The following RBFOX1 variants were observed in gnomAD, a reference collection of about 807,000 sequenced individuals.
RBFOX1 encodes RNA binding protein fox-1 homolog 1.
A neutral mutation model predicts 57.7 loss-of-function variants in RBFOX1; 8 were observed. The ratio of observed to expected loss-of-function variants is 0.14; its 90% confidence interval spans 0.08 to 0.25. The LOEUF is 0.25. RBFOX1 is among the 10% of genes least tolerant of loss of function. The pLI is 1.00. For missense variants in RBFOX1, 611 were observed against 548.5 expected (o/e 1.11, Z -1.14); for synonymous variants, 326 against 222.4 (o/e 1.47, Z -4.15).
chr16:6,040,286 A>G (rs1354692129), intron 1 of RBFOX1, among the ~76,000 whole-genome samples: 1 of 152,200 alleles, frequency 6.6e-6, no homozygotes, highest in African/African-American at 2.4e-5. Context: ...TGCGCAAGCA[A>G]CACTATCACC....
At chr16:7,673,570 T>C (rs917544) in intron 13 of RBFOX1, among the ~76,000 whole-genome samples, 97,732 of 151,852 alleles carry the variant, frequency 0.64, 31,847 homozygotes, top group Non-Finnish European at 0.68. Context: ...AAATGCTTTA[T>C]TGGAGCATCA....
intron 3 of RBFOX1, among the ~76,000 whole-genome samples, chr16:7,001,537 A>G (rs1296584550): frequency 6.7e-6 from 1 of 150,230 alleles, no homozygotes; most frequent in African/African-American, 2.5e-5. Context: ...ACTCGTTGCA[A>G]CCTCCGCCTC....
chr16:7,176,135 C>A (rs8062020), intron 4 of RBFOX1, among the ~76,000 whole-genome samples: 4 of 150,196 alleles, frequency 2.7e-5, no homozygotes, highest in Non-Finnish European at 4.4e-5. Flanking sequence ...ATTGGAATCC[C>A]GGTGCTACAT....
chr16:5,705,496 C>G (rs1370518195), intron 3 of RBFOX1, among the ~76,000 whole-genome samples: 3 of 152,142 alleles, frequency 2.0e-5, no homozygotes, highest in Non-Finnish European at 2.9e-5. Context: ...CTCATGGGCT[C>G]AAGCAAGGAT....
At chr16:7,126,526 T>C (rs1855914325) in intron 4 of RBFOX1, 3 of 219,558 alleles carry the variant, frequency 1.4e-5, no homozygotes, top group Non-Finnish European at 9.6e-6. Context: ...TGAATACAAA[T>C]TTCTTAATGG....
At chr16:7,201,722 C>A (rs540190319) in intron 4 of RBFOX1, among the ~76,000 whole-genome samples, 2 of 152,212 alleles carry the variant, frequency 1.3e-5, no homozygotes, top group African/African-American at 4.8e-5. Context: ...CTCAGCCTCC[C>A]AAAGTACTGG....
intron 2 of RBFOX1, among the ~76,000 whole-genome samples, chr16:5,540,619 C>G (rs1048048682): frequency 6.6e-6 from 1 of 152,118 alleles, no homozygotes; most frequent in Non-Finnish European, 1.5e-5. Context: ...GTCAGAATCA[C>G]CTGACGCGTT....
intron 1 of RBFOX1, among the ~76,000 whole-genome samples, chr16:6,178,450 T>C (rs1020924724): frequency 1.3e-4 from 20 of 152,108 alleles, no homozygotes; most frequent in Admixed American, 1.3e-4. Context: ...CCCAAAGTGC[T>C]GGGATAAGGT....
chr16:6,775,641 T>A (rs1489200170), intron 3 of RBFOX1: 1 of 152,162 alleles, frequency 6.6e-6, no homozygotes, highest in Admixed American at 6.6e-5. Flanking sequence ...TCTGTCCCCT[T>A]ACAGAGAAAG....
At chr16:5,496,018 C>G (rs982608446) in intron 2 of RBFOX1, among the ~76,000 whole-genome samples, 6 of 152,050 alleles carry the variant, frequency 3.9e-5, no homozygotes, top group African/African-American at 9.7e-5. Context: ...CCCAGCTACT[C>G]GGGAGGCTGA....
intron 3 of RBFOX1, among the ~76,000 whole-genome samples, chr16:6,735,915 T>G (rs1372365492): frequency 8.3e-6 from 1 of 121,068 alleles, no homozygotes. Context: ...GAGGGAGTTT[T>G]TGTCGCCATT....
intron 4 of RBFOX1, among the ~76,000 whole-genome samples, chr16:7,479,571 G>T (rs770859790): frequency 2.2e-4 from 33 of 152,152 alleles, no homozygotes; most frequent in Non-Finnish European, 3.8e-4. Flanking sequence ...AGCTGGTTGG[G>T]CCTGGGGTGT....
intron 5 of RBFOX1, among the ~76,000 whole-genome samples, chr16:7,567,279 C>CCCTATATATATT (rs2091994960): frequency 7.4e-6 from 1 of 135,884 alleles, no homozygotes; most frequent in South Asian, 2.3e-4. Flanking sequence ...ATATATATAT[C>CCCTATATATATT]CCTATATATC....
rs138740285 is a variant in RBFOX1 at position 6,576,939 on chromosome 16, C to A, written c.-63-77664C>A. Reference sequence around the variant, plus strand: ...AAGATAAAGAACCTGTAAAGAACCACCCATCTAGGGATACATTTCCAGCCC... The same window carrying A: ...AAGATAAAGAACCTGTAAAGAACCAACCATCTAGGGATACATTTCCAGCCC... On this transcript the variant is annotated intron_variant, in intron 2 of 15. Coordinates refer to ENST00000550418, the MANE Select transcript of RBFOX1 (RefSeq NM_018723.4). 1.7e-3 allele frequency: 256 copies of A among 152,324 alleles called. 1 individual carries two copies. The highest frequency in any genetic ancestry group is 5.9e-3 in the African/African-American group (246 of 41,578). 9.4% of individuals were successfully genotyped at this position (152,324 alleles called of 1,614,324 possible). A position where few individuals can be genotyped will look rare whatever the true frequency, so the allele number is the denominator to read the frequency against.
intron 3 of RBFOX1, among the ~76,000 whole-genome samples, chr16:7,014,631 A>C (rs2093815947): frequency 6.6e-6 from 1 of 152,144 alleles, no homozygotes; most frequent in Non-Finnish European, 1.5e-5. Flanking sequence ...AAGGTTGGGA[A>C]AATATATTTT....
chr16:7,067,129 C>T (rs1292220258), intron 4 of RBFOX1, among the ~76,000 whole-genome samples: 1 of 152,178 alleles, frequency 6.6e-6, no homozygotes, highest in Non-Finnish European at 1.5e-5. Context: ...CGGCAGCCTT[C>T]CATGCTTGTG....
At chr16:6,941,556 C>G (rs958895278) in intron 3 of RBFOX1, among the ~76,000 whole-genome samples, 6 of 151,926 alleles carry the variant, frequency 3.9e-5, no homozygotes, top group African/African-American at 1.5e-4. Flanking sequence ...ACCTGTCCAC[C>G]AAGAGACTTG....
At chr16:7,586,149 A>G (rs2094111764) in intron 6 of RBFOX1, among the ~76,000 whole-genome samples, 1 of 152,240 alleles carries the variant, frequency 6.6e-6, no homozygotes, top group African/African-American at 2.4e-5. Context: ...ATTTGCTCTC[A>G]TTCTGCATGG....
intron 1 of RBFOX1, among the ~76,000 whole-genome samples, chr16:6,104,599 A>G (rs2096355752): frequency 6.6e-6 from 1 of 152,160 alleles, no homozygotes; most frequent in Non-Finnish European, 1.5e-5. Flanking sequence ...CCAGGCAACC[A>G]CTAATCTATC....
Sources: allele counts gnomAD v4.1 joint callset (sites outside exome capture counted in the v4.1 genomes callset), GRCh38; gene constraint gnomAD v4.1.1; transcripts MANE v1.5; gene names NCBI Gene and HGNC (gene_info 2026-07-23, HGNC 2026-07-21).